Variants in PPP2R2C observed in about 807,000 individuals in gnomAD.
PPP2R2C encodes protein phosphatase 2, regulatory subunit B, gamma.
PPP2R2C carries 10 observed loss-of-function variants against 45.3 expected under a neutral mutation model. The ratio of observed to expected loss-of-function variants is 0.22; its 90% CI spans 0.14 to 0.37. PPP2R2C has a LOEUF of 0.37. PPP2R2C is among the 10% of genes least tolerant of loss of function. The pLI, the probability that PPP2R2C is intolerant of heterozygous loss-of-function variation, is 1.00. For synonymous variants in PPP2R2C, 257 were observed against 245.4 expected (o/e 1.05, Z -0.44); for missense variants, 308 against 619.7 (o/e 0.50, Z 5.34).
At chr4:6,414,683 C>T (rs1295151239) in intron 1 of PPP2R2C, among the ~76,000 whole-genome samples, 1 of 151,808 alleles carries the variant, frequency 6.6e-6, no homozygotes, top group Non-Finnish European at 1.5e-5. Context: ...GGGAGGGGAA[C>T]TCTTGTTGGG....
chr4:6,524,810 C>T (rs1051299788), intron 2 of PPP2R2C, among the ~76,000 whole-genome samples: 13 of 152,270 alleles, frequency 8.5e-5, no homozygotes, highest in Admixed American at 7.8e-4. Flanking sequence ...AAAAATAGGC[C>T]GGGCACAGTG....
intron 2 of PPP2R2C, among the ~76,000 whole-genome samples, chr4:6,379,748 T>C (rs1464639554): frequency 6.6e-6 from 1 of 152,168 alleles, no homozygotes; most frequent in Non-Finnish European, 1.5e-5. Flanking sequence ...TGTCAACTAT[T>C]TTAACCCTCT....
At chr4:6,412,485 C>T (rs10015220) in intron 1 of PPP2R2C, among the ~76,000 whole-genome samples, 39,620 of 151,912 alleles carry the variant, frequency 0.26, 5,502 homozygotes, top group Admixed American at 0.38. Context: ...CATGTAGATG[C>T]CAGCTGTGTG....
chr4:6,467,706 GC>G (rs1275141760), intron 1 of PPP2R2C, among the ~76,000 whole-genome samples: 13 of 152,182 alleles, frequency 8.5e-5, no homozygotes, highest in African/African-American at 3.1e-4. Context: ...GCTATGGGCT[GC>G]AAGTAACGGA....
intron 3 of PPP2R2C, among the ~76,000 whole-genome samples, chr4:6,376,820 C>G (rs1013906473): frequency 6.6e-6 from 1 of 152,132 alleles, no homozygotes. Flanking sequence ...CTCCTGTCCC[C>G]CAGGGCCTGC....
At chr4:6,342,303 T>C (rs1733514667) in intron 6 of PPP2R2C, among the ~76,000 whole-genome samples, 1 of 152,138 alleles carries the variant, frequency 6.6e-6, no homozygotes, top group Non-Finnish European at 1.5e-5. Flanking sequence ...GAGTCAAAAG[T>C]TAAGCATGTA....
chr4:6,511,801 GTGGTGT>G (rs1560594393), intron 2 of PPP2R2C, among the ~76,000 whole-genome samples: 1 of 36,170 alleles, frequency 2.8e-5, no homozygotes, highest in African/African-American at 1.1e-4. Context: ...GATGGTGATG[GTGGTGT>G]TGGTGGTGGT....
chr4:6,399,635 G>C (rs2109347283), intron 1 of PPP2R2C, among the ~76,000 whole-genome samples: 1 of 152,362 alleles, frequency 6.6e-6, no homozygotes, highest in South Asian at 2.1e-4. Flanking sequence ...GGAAGCCATA[G>C]CCAGCGTGGG....
intron 2 of PPP2R2C, among the ~76,000 whole-genome samples, chr4:6,489,627 AT>A (rs936086623): frequency 2.0e-5 from 3 of 152,128 alleles, no homozygotes; most frequent in Non-Finnish European, 4.4e-5. Context: ...TATTTATTTT[AT>A]TTGGTTATCT....
At chr4:6,400,806 A>G (rs1356010811) in intron 1 of PPP2R2C, among the ~76,000 whole-genome samples, 1 of 152,236 alleles carries the variant, frequency 6.6e-6, no homozygotes, top group Admixed American at 6.5e-5. Context: ...CTGAATGCAA[A>G]CATCTCAGAA....
chr4:6,339,869 A>C (rs1733312770), intron 6 of PPP2R2C, among the ~76,000 whole-genome samples: 1 of 152,166 alleles, frequency 6.6e-6, no homozygotes, highest in African/African-American at 2.4e-5. Flanking sequence ...AGCTGGCCTC[A>C]CCTCAGGCCG....
At chr4:6,459,059 G>A (rs1386292227) in intron 1 of PPP2R2C, among the ~76,000 whole-genome samples, 1 of 152,214 alleles carries the variant, frequency 6.6e-6, no homozygotes. Context: ...ACCCACTGCT[G>A]TGTAACAAAG....
intron 1 of PPP2R2C, among the ~76,000 whole-genome samples, chr4:6,548,825 G>C (rs534562659): frequency 6.3e-4 from 96 of 152,330 alleles, no homozygotes; most frequent in South Asian, 4.8e-3. Context: ...GCAGTCAAGC[G>C]ACTGCCTGCC....
chr4:6,532,430 C>A (rs1234492458), intron 2 of PPP2R2C, among the ~76,000 whole-genome samples: 1 of 152,190 alleles, frequency 6.6e-6, no homozygotes, highest in Non-Finnish European at 1.5e-5. Flanking sequence ...ACTGGGGCAC[C>A]CCCAATCCCC....
At chr4:6,327,208 C>CA (rs1281339113) in intron 8 of PPP2R2C, among the ~76,000 whole-genome samples, 7 of 152,220 alleles carry the variant, frequency 4.6e-5, no homozygotes, top group Admixed American at 3.9e-4. Flanking sequence ...CAGGGCACCC[C>CA]ACCCATTGCG....
At chr4:6,459,011 C>A (rs760850510) in intron 1 of PPP2R2C, among the ~76,000 whole-genome samples, 1 of 152,188 alleles carries the variant, frequency 6.6e-6, no homozygotes, top group Non-Finnish European at 1.5e-5. Flanking sequence ...GGAGGAGGAC[C>A]AGGAATTCAA....
chr4:6,348,096 G>T, intron 5 of PPP2R2C, 86 bp from the exon 6 acceptor site: 1 of 1,495,232 alleles, frequency 6.7e-7, no homozygotes, highest in Non-Finnish European at 9.2e-7. Context: ...CTCTCCCGAG[G>T]CAAAACCGTC....
intron 2 of PPP2R2C, among the ~76,000 whole-genome samples, chr4:6,512,509 ATGTTGGTGGTGG>A (rs1286800604): frequency 4.7e-5 from 2 of 42,728 alleles, no homozygotes; most frequent in Middle Eastern, 0.017. Flanking sequence ...GGTGGTGGTG[ATGTTGGTGGTGG>A]TGGTGGTGAT....
At chr4:6,340,670 C>G (rs1246084433) in intron 6 of PPP2R2C, among the ~76,000 whole-genome samples, 1 of 152,258 alleles carries the variant, frequency 6.6e-6, no homozygotes, top group Non-Finnish European at 1.5e-5. Context: ...ACGCTAGCCC[C>G]CAGCCAGCCC....
Sources: gnomAD v4.1 joint callset for allele counts (sites outside exome capture counted in the v4.1 genomes callset) on GRCh38, gnomAD v4.1.1 for gene constraint, MANE v1.5 for transcripts, NCBI Gene and HGNC (gene_info 2026-07-23, HGNC 2026-07-21) for gene names.